The following STAG2 variants were observed in gnomAD, a reference collection of about 807,000 sequenced individuals.
STAG2 encodes cohesin subunit SA-2.
STAG2 carries 14 observed loss-of-function variants against 108.1 expected under a neutral mutation model. The ratio of observed to expected loss-of-function variants is 0.13; its 90% CI spans 0.09 to 0.20. The LOEUF is 0.20. Ranked by LOEUF, STAG2 falls within the 10% of genes least tolerant of loss-of-function variation. The pLI is 1.00. For missense variants in STAG2, 440 were observed against 940.9 expected (o/e 0.47, Z 6.96); for synonymous variants, 307 against 302.7 (o/e 1.01, Z -0.15).
chrX:124,040,854 CTTTT>C (rs1163780101), intron 6 of STAG2, among the ~76,000 whole-genome samples: 1 of 76,645 alleles, frequency 1.3e-5, no homozygotes, highest in African/African-American at 5.1e-5. Context: ...CCTCTTCTCT[CTTTT>C]TTTTTTTTTT....
chrX:124,055,151 G>A (rs1348618893), intron 13 of STAG2, among the ~76,000 whole-genome samples: 2 of 112,001 alleles, frequency 1.8e-5, no homozygotes, highest in Non-Finnish European at 3.8e-5. Flanking sequence ...TGAAATCAGT[G>A]TGCTTTTGAA....
intron 20 of STAG2, 143 bp downstream of exon 20, chrX:124,064,194 A>G: frequency 4.5e-6 from 2 of 448,527 alleles, no homozygotes. Context: ...TCTATGACTC[A>G]TCAGGCTACT....
chrX:124,014,811 A>G (rs1360146455), intron 1 of STAG2, among the ~76,000 whole-genome samples: 2 of 110,182 alleles, frequency 1.8e-5, no homozygotes, highest in African/African-American at 6.6e-5. Flanking sequence ...AGCAGGGACT[A>G]CCATTAGGAA....
intron 1 of STAG2, among the ~76,000 whole-genome samples, chrX:124,011,181 T>C (rs902982580): frequency 1.8e-5 from 2 of 111,864 alleles, no homozygotes; most frequent in Non-Finnish European, 3.8e-5. Context: ...CTTTTTGGAT[T>C]GTTAGTATAT....
intron 32 of STAG2, among the ~76,000 whole-genome samples, chrX:124,093,443 G>A (rs2059303532): frequency 9.4e-6 from 1 of 106,083 alleles, no homozygotes; most frequent in Non-Finnish European, 1.9e-5. Context: ...GCTCCTTGAG[G>A]GCAGGAATCA....
In STAG2 at chrX:124,100,883, TA is replaced by T. The variant is rs67492414; in HGVS notation, c.*301del. On this transcript the variant is annotated 3_prime_UTR_variant, in exon 35 of 35. Coordinates refer to ENST00000371145, the MANE Select transcript of STAG2 (RefSeq NM_001042750.2). ...GAATCGATTATTTCATGCTTTTTTT[TA>T]AAAAAAAAAAAAAACAAAATAACAA... The T allele has an allele frequency of 0.22, 34,662 of 157,507 alleles. 1,832 individuals carry two copies. Among genetic ancestry groups the T allele is most frequent in the South Asian group, 0.36 (1,063 of 2,937 alleles). The allele number at this position is 157,507 out of a possible 1,213,427, so 13.0% of individuals were successfully genotyped here.
intron 1 of STAG2, among the ~76,000 whole-genome samples, chrX:123,975,999 T>C (rs2054597861): frequency 8.9e-6 from 1 of 112,176 alleles, no homozygotes; most frequent in African/African-American, 3.2e-5. Flanking sequence ...GAAAAATAGG[T>C]TTCTGCCGGG....
intron 34 of STAG2, chrX:124,097,610 G>GGTA (rs1293074522): frequency 2.3e-5 from 6 of 262,154 alleles, no homozygotes; most frequent in Non-Finnish European, 4.7e-5. Flanking sequence ...AAGTATGGAA[G>GGTA]GTAGTAGCTG....
chrX:123,969,368 T>G (rs1399431651), intron 1 of STAG2, among the ~76,000 whole-genome samples: 1 of 111,730 alleles, frequency 9.0e-6, no homozygotes, highest in Non-Finnish European at 1.9e-5. Flanking sequence ...TCCTTCAGCT[T>G]GTTTTACTGA....
chrX:124,019,852 AC>A (rs1303058688), intron 1 of STAG2, among the ~76,000 whole-genome samples: 3 of 111,899 alleles, frequency 2.7e-5, no homozygotes, highest in Non-Finnish European at 5.6e-5. Context: ...TGGGAGGATC[AC>A]TTGAGCCTGG....
chrX:124,054,942 C>A (rs1440353249), intron 13 of STAG2, among the ~76,000 whole-genome samples: 2 of 109,404 alleles, frequency 1.8e-5, no homozygotes, highest in Admixed American at 9.8e-5. Flanking sequence ...TTTTTTCTTT[C>A]CGTTTTTTGT....
chrX:123,988,791 C>T (rs2055313350), intron 1 of STAG2, among the ~76,000 whole-genome samples: 1 of 111,036 alleles, frequency 9.0e-6, no homozygotes, highest in Admixed American at 9.6e-5. Context: ...TTAAAAGAAG[C>T]TTGTTAAAAA....
At chrX:124,044,704 CTG>C (rs1408007308) in intron 7 of STAG2, among the ~76,000 whole-genome samples, 1 of 111,948 alleles carries the variant, frequency 8.9e-6, no homozygotes, top group African/African-American at 3.2e-5. Context: ...TATCTGTTGA[CTG>C]TGTGATGTAT....
intron 1 of STAG2, among the ~76,000 whole-genome samples, chrX:123,994,661 C>T (rs1455513465): frequency 9.0e-6 from 1 of 111,559 alleles, no homozygotes; most frequent in African/African-American, 3.3e-5. Context: ...AAATTAAGAC[C>T]TTATGTTTGA....
intron 15 of STAG2, 53 bp from the exon 16 acceptor site, chrX:124,061,171 T>G: frequency 1.1e-6 from 1 of 896,317 alleles, no homozygotes. Context: ...TTCTTTTGAG[T>G]TAAGGCTAGT....
intron 27 of STAG2, among the ~76,000 whole-genome samples, chrX:124,078,719 A>C (rs2058865931): frequency 9.0e-6 from 1 of 111,003 alleles, no homozygotes; most frequent in Admixed American, 9.6e-5. Flanking sequence ...CTGTAATCCC[A>C]GTGCTTTGGG....
intron 24 of STAG2, 83 bp from the exon 25 acceptor site, chrX:124,071,066 G>A (rs2148370871): frequency 1.3e-6 from 1 of 759,146 alleles, no homozygotes; most frequent in East Asian, 3.7e-5. Flanking sequence ...CTGTTTCTGT[G>A]TTAAATATGT....
Position 124,029,852 on chromosome X carries a change from C to T in STAG2, c.124-1109C>T, listed in dbSNP as rs948625919. The stretch of plus-strand genomic sequence containing the variant: ...CCTGGCATTTGAGAAATGAGGATTC[C>T]GAGTTAGGGAATGGCTTGTTTTCTT... On this transcript the variant is annotated intron_variant, in intron 4 of 34. Coordinates refer to ENST00000371145, the MANE Select transcript of STAG2 (RefSeq NM_001042750.2). 4.5e-5 allele frequency among the ~76,000 whole-genome samples: 5 copies of T among 111,107 alleles called. No individual in the cohort carries two copies. The East Asian group carries it at 8.4e-4, about 19-fold the overall frequency.
chrX:123,983,814 C>T (rs2055006465), intron 1 of STAG2, among the ~76,000 whole-genome samples: 1 of 108,895 alleles, frequency 9.2e-6, no homozygotes. Flanking sequence ...ATGTTCTGGA[C>T]TAGCTAACTT....
Sources: allele counts gnomAD v4.1 joint callset (sites outside exome capture counted in the v4.1 genomes callset), GRCh38; gene constraint gnomAD v4.1.1; transcripts MANE v1.5; gene names NCBI Gene and HGNC (gene_info 2026-07-23, HGNC 2026-07-21).